TFG: variants seen among roughly 807,000 people sequenced by gnomAD.
The protein encoded by TFG is protein TFG.
TFG carries 22 observed loss-of-function variants against 51.4 expected under a neutral mutation model. The ratio of observed to expected loss-of-function variants is 0.43; its 90% CI spans 0.31 to 0.61. The LOEUF is 0.61. TFG is among the 20% of genes least tolerant of loss of function. The pLI is 0.12. For synonymous variants in TFG, 187 were observed against 165.6 expected (o/e 1.13, Z -0.99); for missense variants, 419 against 487.7 (o/e 0.86, Z 1.33).
chr3:100,725,622 CAAAAAA>C (rs763163559), intron 3 of TFG, among the ~76,000 whole-genome samples: 1,409 of 83,498 alleles, frequency 0.017, 29 homozygotes, highest in African/African-American at 0.063. Flanking sequence ...ACCAAAAATA[CAAAAAA>C]AAAAAAAAAA....
At chr3:100,747,577 A>C (rs115462724) in intron 7 of TFG, 1,822 of 152,626 alleles carry the variant, frequency 0.012, 11 homozygotes, top group Non-Finnish European at 0.02. Context: ...TATGCTTTTT[A>C]TGTGTTATGC....
rs529331503 is a variant in TFG at position 100,723,476 on chromosome 3, A to T, written c.268+3418A>T. ...TAAAATAATCTCTTAATGGAATTTT[A>T]AAAAAAATCCAGTTCCATGCTACTT... On this transcript the variant is annotated intron_variant, in intron 3 of 7. Coordinates refer to ENST00000240851, the MANE Select transcript of TFG (RefSeq NM_006070.6). Among the ~76,000 whole-genome samples, 104 of 152,146 alleles carry T rather than the reference A, an allele frequency of 6.8e-4. 1 individual carries two copies. The highest frequency in any genetic ancestry group is 1.9e-3 in the African/African-American group (77 of 41,550).
intron 6 of TFG, among the ~76,000 whole-genome samples, chr3:100,741,757 CT>C (rs1009826711): frequency 9.9e-5 from 15 of 152,090 alleles, no homozygotes; most frequent in Non-Finnish European, 2.1e-4. Flanking sequence ...CATTTTTTAT[CT>C]TTTTTGCCAT....
rs776819497 is a variant in TFG at position 100,713,920 on chromosome 3, A to G, written c.184+51A>G. 1.2e-5 allele frequency: 15 copies of G among 1,249,674 alleles called. No individual in the cohort carries two copies. In the East Asian group the frequency reaches 3.9e-4, roughly 32 times the overall value. 77.4% of individuals were successfully genotyped at this position (1,249,674 alleles called of 1,614,324 possible). On this transcript the variant is annotated intron_variant, in intron 2 of 7. Coordinates refer to ENST00000240851, the MANE Select transcript of TFG (RefSeq NM_006070.6). ...TTAAAGTCTTTTTAAAAAAAAAAAA[A>G]AAAAGACAGAGCCTCTGTTGCCCAG...
chr3:100,746,283 A>G (rs1465155036), intron 7 of TFG, among the ~76,000 whole-genome samples: 2 of 152,160 alleles, frequency 1.3e-5, no homozygotes, highest in African/African-American at 4.8e-5. Flanking sequence ...GTGGGGCCCC[A>G]TTCCCAGAGA....
chr3:100,727,208 T>C (rs959096262), intron 3 of TFG, among the ~76,000 whole-genome samples: 12 of 152,320 alleles, frequency 7.9e-5, no homozygotes, highest in African/African-American at 2.9e-4. Flanking sequence ...CCAGCAACAC[T>C]AAGGCCTGTC....
At chr3:100,716,822 A>G (rs574911490) in intron 2 of TFG, among the ~76,000 whole-genome samples, 1 of 152,128 alleles carries the variant, frequency 6.6e-6, no homozygotes, top group African/African-American at 2.4e-5. Flanking sequence ...TCATATATTT[A>G]TTGACCATTT....
chr3:100,717,222 G>A (rs2149062873), intron 2 of TFG, among the ~76,000 whole-genome samples: 1 of 152,220 alleles, frequency 6.6e-6, no homozygotes, highest in African/African-American at 2.4e-5. Flanking sequence ...TGATCTATGT[G>A]TTTGTTCTCT....
intron 7 of TFG, among the ~76,000 whole-genome samples, chr3:100,746,179 AG>A (rs1395685565): frequency 6.6e-6 from 1 of 152,222 alleles, no homozygotes; most frequent in East Asian, 1.9e-4. Context: ...TGTTATTTAT[AG>A]AAAGAATAGC....
chr3:100,713,696 A>T lies in TFG; in HGVS notation c.11A>T (p.Gln4Leu), dbSNP rs549851401. The T allele has an allele frequency of 6.2e-7, 1 of 1,602,972 alleles. No homozygotes were observed. The highest frequency in any genetic ancestry group is 1.1e-5 in the South Asian group (1 of 89,362). Residue 4 changes from glutamine (Q) to leucine (L), a missense_variant, in exon 2 of 8, where the codon CAG becomes CTG. Physicochemically the swap from Gln to Leu is moderately radical, Grantham distance 113 (BLOSUM62 -2). Transcript: ENST00000240851. Reference sequence around the variant, plus strand: ...ATCCTGGAGTCCACCATGAACGGACAGTTGGATCTAAGTGGGAAGCTAATC... The same window carrying T: ...ATCCTGGAGTCCACCATGAACGGACTGTTGGATCTAAGTGGGAAGCTAATC... MNG[Q>L]LDLSGKLIIK...
intron 2 of TFG, among the ~76,000 whole-genome samples, chr3:100,716,417 A>G (rs768778239): frequency 1.3e-5 from 2 of 152,178 alleles, no homozygotes; most frequent in African/African-American, 4.8e-5. Flanking sequence ...TATATATACC[A>G]TATTTTCTTT....
At chr3:100,720,551 A>G (rs376602644) in intron 3 of TFG, among the ~76,000 whole-genome samples, 94 of 152,326 alleles carry the variant, frequency 6.2e-4, no homozygotes, top group South Asian at 4.1e-3. Context: ...TGCATGTGCA[A>G]TTCACAATAG....
At chr3:100,718,189 AG>A (rs2095051393) in intron 2 of TFG, among the ~76,000 whole-genome samples, 1 of 152,206 alleles carries the variant, frequency 6.6e-6, no homozygotes, top group South Asian at 2.1e-4. Context: ...GGCCTGCCAA[AG>A]TACTGAGATT....
rs2095037463 is a variant in TFG, at chr3:100,713,730, T to G, written c.45T>G (p.Ala15=). The G allele has an allele frequency of 6.2e-7, 1 of 1,610,724 alleles. No individual in the cohort carries two copies. The highest frequency in any genetic ancestry group is 2.2e-5 in the East Asian group (1 of 44,836). The change falls in exon 2 of 8, where the codon GCT becomes GCG. Residue 15 remains alanine (A), a synonymous_variant. Coordinates refer to ENST00000240851, the MANE Select transcript of TFG (RefSeq NM_006070.6). ...TAAGTGGGAAGCTAATCATCAAAGC[T>G]CAACTTGGGGAGGATATTCGGCGAA... is the stretch of plus-strand genomic sequence containing the variant. ...LDLSGKLIIK[A]QLGEDIRRIP...
At chr3:100,719,372 A>G (rs769746368) in intron 2 of TFG, among the ~76,000 whole-genome samples, 6 of 152,192 alleles carry the variant, frequency 3.9e-5, no homozygotes, top group Non-Finnish European at 5.9e-5. Flanking sequence ...TGGTATGCCA[A>G]TTATAGCATT....
intron 2 of TFG, among the ~76,000 whole-genome samples, chr3:100,716,749 T>C (rs1268853463): frequency 6.6e-6 from 1 of 152,178 alleles, no homozygotes; most frequent in Non-Finnish European, 1.5e-5. Context: ...TGAACCTTGT[T>C]GTGGTCTTCA....
At chr3:100,711,751 A>G (rs888512326) in intron 1 of TFG, among the ~76,000 whole-genome samples, 7 of 152,250 alleles carry the variant, frequency 4.6e-5, no homozygotes, top group African/African-American at 1.4e-4. Flanking sequence ...AGGAGAAGGT[A>G]ACAAATACAT....
chr3:100,726,840 C>T (rs1314873410), intron 3 of TFG, among the ~76,000 whole-genome samples: 1 of 152,118 alleles, frequency 6.6e-6, no homozygotes, highest in African/African-American at 2.4e-5. Flanking sequence ...GAGCTTTGCT[C>T]TGCATTGGAT....
Position 100,748,394 on chromosome 3 carries a change from G to A in TFG, c.1066G>A (p.Ala356Thr). ...QPGMAPSQPG[A>T]YQPRPGFTSL... ...TGGAATGGCTCCAAGCCAACCTGGG[G>A]CCTATCAACCAAGACCAGGTTTTAC... The change falls in exon 8 of 8, where the codon GCC (alanine) becomes ACC (threonine). Residue 356 changes from alanine to threonine, a missense_variant. By Grantham distance (58) the Ala-to-Thr change is moderately conservative. Transcript: ENST00000240851. 2 of 1,614,100 alleles carry A rather than the reference G, an allele frequency of 1.2e-6. No individual in the cohort carries two copies. The highest frequency in any genetic ancestry group is 8.5e-7 in the Non-Finnish European group (1 of 1,179,988).
Sources: gnomAD v4.1 joint callset for allele counts (sites outside exome capture counted in the v4.1 genomes callset) on GRCh38, gnomAD v4.1.1 for gene constraint, MANE v1.5 for transcripts, NCBI Gene and HGNC (gene_info 2026-07-23, HGNC 2026-07-21) for gene names.